Variants in STAB2 observed in about 807,000 individuals in gnomAD.
STAB2 encodes stabilin-2.
A neutral mutation model predicts 338.1 loss-of-function variants in STAB2; 288 were observed. That is an observed-to-expected ratio of 0.85 (90% CI 0.77 to 0.94). The LOEUF (loss-of-function observed/expected upper bound fraction) is 0.94. STAB2 is among the 40% of genes least tolerant of loss of function. The pLI is 0.00. For synonymous variants in STAB2, 1,202 were observed against 1,193.3 expected (o/e 1.01, Z -0.15); for missense variants, 3,141 against 3,210.1 (o/e 0.98, Z 0.52).
chr12:103,747,117 T>G (rs1309591418), intron 58 of STAB2, among the ~76,000 whole-genome samples: 1 of 152,064 alleles, frequency 6.6e-6, no homozygotes, highest in African/African-American at 2.4e-5. Flanking sequence ...CCACCGCACC[T>G]GGCTAACTTT....
chr12:103,693,555 A>T (rs1878138285), intron 31 of STAB2, among the ~76,000 whole-genome samples: 1 of 151,910 alleles, frequency 6.6e-6, no homozygotes, highest in Non-Finnish European at 1.5e-5. Context: ...TCATTTTTCC[A>T]CTCTCCTATC....
At position 103,685,455 on chromosome 12, in the gene STAB2, CGCGTGCGTGTGTGTGT is replaced by C. The variant is rs1566014275; in HGVS notation, c.2997+379_2997+394del. On this transcript the variant is annotated intron_variant, in intron 27 of 68. Transcript: ENST00000388887. The stretch of plus-strand genomic sequence containing the variant: ...GTGTGTGTGTGTGTGTGTGTGTGTG[CGCGTGCGTGTGTGTGT>C]GCGTGCGCGCATGTGTGTGTGTGTG... 4.3e-3 allele frequency among the ~76,000 whole-genome samples: 571 copies of C among 132,062 alleles called. 3 individuals carry two copies. Among genetic ancestry groups the C allele is most frequent in the African/African-American group, 0.016 (546 of 34,810 alleles). 86.6% of individuals were successfully genotyped at this position (132,062 alleles called of 152,430 possible). A position where few individuals can be genotyped will look rare whatever the true frequency, so the allele number is the denominator to read the frequency against.
rs766030716 is a variant in STAB2, at chr12:103,708,430, T to C, written c.4193-11T>C. 7 of 1,613,784 alleles carry C rather than the reference T, an allele frequency of 4.3e-6. No individual in the cohort carries two copies. On this transcript the variant is annotated splice_polypyrimidine_tract_variant and intron_variant, in intron 38 of 68. Coordinates refer to ENST00000388887, the MANE Select transcript of STAB2 (RefSeq NM_017564.10). ...AGAATCTGACGATTTGCAGGTGATT[T>C]TCCCACTTAGCATGTTCTTGTGTCC...
At chr12:103,601,106 T>C (rs1301790999) in intron 3 of STAB2, among the ~76,000 whole-genome samples, 2 of 152,182 alleles carry the variant, frequency 1.3e-5, no homozygotes, top group Non-Finnish European at 2.9e-5. Flanking sequence ...GCTGTGACCT[T>C]GTTACCAAAC....
At chr12:103,730,809 G>A (rs763272678) in intron 49 of STAB2, among the ~76,000 whole-genome samples, 18 of 152,158 alleles carry the variant, frequency 1.2e-4, no homozygotes, top group Non-Finnish European at 2.2e-4. Flanking sequence ...AGCAATCCGG[G>A]AGGCCAAGAT....
In STAB2 at chr12:103,638,190, G is replaced by T; in HGVS notation, c.884G>T (p.Cys295Phe). 6.2e-7 allele frequency: 1 copy of T among 1,614,142 alleles called. No individual in the cohort carries two copies. The highest frequency in any genetic ancestry group is 8.5e-7 in the Non-Finnish European group (1 of 1,179,998). Residue 295 changes from cysteine (C) to phenylalanine (F), a missense_variant, in exon 8 of 69, where the codon TGC (cysteine) becomes TTC (phenylalanine). Cys to Phe is a radical substitution (Grantham distance 205). Transcript: ENST00000388887. ...FGNCPTKSTV[C>F]KYDGPGQSHC... ...AACTGCCCTACAAAGTCTACAGTGT[G>T]CAAATATGATGGGCCTGGACAGGTG... is the stretch of plus-strand genomic sequence containing the variant.
intron 39 of STAB2, among the ~76,000 whole-genome samples, chr12:103,709,879 CTCT>C (rs1879695529): frequency 6.6e-6 from 1 of 152,144 alleles, no homozygotes; most frequent in Non-Finnish European, 1.5e-5. Flanking sequence ...AGGCTCTCTC[CTCT>C]TCTTGCTTTC....
chr12:103,733,311 A>T, intron 51 of STAB2, 129 bp downstream of exon 51: 1 of 1,075,246 alleles, frequency 9.3e-7, no homozygotes. Flanking sequence ...AAGCCACAGC[A>T]TCCCCTGCCC....
At chr12:103,760,424 C>G (rs1884453701) in intron 65 of STAB2, among the ~76,000 whole-genome samples, 1 of 152,176 alleles carries the variant, frequency 6.6e-6, no homozygotes, top group Non-Finnish European at 1.5e-5. Flanking sequence ...CCACACTCAG[C>G]TGATTTTTGT....
At chr12:103,746,787 C>T in intron 58 of STAB2, 83 bp downstream of exon 58, 1 of 1,378,028 alleles carries the variant, frequency 7.3e-7, no homozygotes, top group African/African-American at 1.4e-5. Context: ...GGGCTTCATC[C>T]TAGCCCTCCT....
intron 41 of STAB2, 102 bp downstream of exon 41, chr12:103,712,545 C>T: frequency 1.2e-6 from 1 of 855,522 alleles, no homozygotes; most frequent in South Asian, 1.4e-5. Flanking sequence ...CAGCTGGTGC[C>T]AACCACTGAT....
intron 56 of STAB2, among the ~76,000 whole-genome samples, chr12:103,743,515 G>A (rs544360671): frequency 1.3e-5 from 2 of 152,306 alleles, no homozygotes; most frequent in South Asian, 4.1e-4. Flanking sequence ...GAATATTTGA[G>A]TAGAGACCTA....
rs200356463 is a variant in STAB2 at position 103,594,375 on chromosome 12, T to C, written c.216-20T>C. ...GCATTGCTCTTATCGTGGGTTAATGTCCTCTCTTTACCCTCCAAGGTACAC... is the reference window on the plus strand; with the variant it reads ...GCATTGCTCTTATCGTGGGTTAATGCCCTCTCTTTACCCTCCAAGGTACAC... On this transcript the variant is annotated intron_variant, in intron 2 of 68. Transcript: ENST00000388887. The C allele has an allele frequency of 5.6e-6, 9 of 1,594,566 alleles. No individual in the cohort carries two copies. The highest frequency in any genetic ancestry group is 2.2e-5 in the East Asian group (1 of 44,770).
chr12:103,611,406 C>T (rs977202065), intron 3 of STAB2, among the ~76,000 whole-genome samples: 4 of 152,176 alleles, frequency 2.6e-5, no homozygotes, highest in African/African-American at 9.7e-5. Context: ...GGATAGTTAG[C>T]TCTTCTTGTT....
chr12:103,659,776 T>C (rs558174737), intron 15 of STAB2, among the ~76,000 whole-genome samples: 18 of 152,366 alleles, frequency 1.2e-4, no homozygotes, highest in South Asian at 1.0e-3. Context: ...GAAAGGGCTT[T>C]GAAGGAGAGG....
At chr12:103,709,377 C>A (rs1245907518) in intron 39 of STAB2, among the ~76,000 whole-genome samples, 1 of 152,216 alleles carries the variant, frequency 6.6e-6, no homozygotes, top group Admixed American at 6.5e-5. Flanking sequence ...GGAGGTTGGA[C>A]TTCTCACTAA....
intron 53 of STAB2, among the ~76,000 whole-genome samples, chr12:103,738,616 C>T (rs1001830038): frequency 1.3e-5 from 2 of 152,220 alleles, no homozygotes; most frequent in African/African-American, 2.4e-5. Context: ...GTCCTTTCTA[C>T]AACAGGGGTC....
intron 34 of STAB2, among the ~76,000 whole-genome samples, chr12:103,700,961 G>A (rs993060436): frequency 2.0e-5 from 3 of 149,614 alleles, no homozygotes; most frequent in African/African-American, 7.4e-5. Context: ...TCGTCATCTA[G>A]CATTAGGTAT....
intron 27 of STAB2, among the ~76,000 whole-genome samples, chr12:103,685,737 A>C (rs918691313): frequency 6.6e-6 from 1 of 152,198 alleles, no homozygotes; most frequent in Non-Finnish European, 1.5e-5. Flanking sequence ...CTATCTGTAC[A>C]GCATGGGCCA....
Sources: allele counts gnomAD v4.1 joint callset (sites outside exome capture counted in the v4.1 genomes callset), GRCh38; gene constraint gnomAD v4.1.1; transcripts MANE v1.5; gene names NCBI Gene and HGNC (gene_info 2026-07-23, HGNC 2026-07-21).